Variants in NRAP observed in about 807,000 individuals in gnomAD.
The protein encoded by NRAP is nebulin related anchoring protein.
NRAP carries 189 observed loss-of-function variants against 225.9 expected under a neutral mutation model. The ratio of observed to expected loss-of-function variants is 0.84; its 90% CI spans 0.74 to 0.94. The LOEUF (loss-of-function observed/expected upper bound fraction) is 0.94, where lower values mean the gene tolerates loss of function less well. Ranked by LOEUF, NRAP falls within the 40% of genes least tolerant of loss-of-function variation. The probability of loss-of-function intolerance (pLI) is 0.00; values close to 1 mark genes in which losing one functional copy is unlikely to be tolerated. For missense variants in NRAP, 2,176 were observed against 2,168.7 expected (o/e 1.00, Z -0.07); for synonymous variants, 769 against 790.7 (o/e 0.97, Z 0.46).
intron 14 of NRAP, among the ~76,000 whole-genome samples, chr10:113,637,880 C>G (rs1344341618): frequency 1.3e-5 from 2 of 151,062 alleles, no homozygotes; most frequent in African/African-American, 4.9e-5. Context: ...CGAGATCGCA[C>G]CATTACACTC....
At chr10:113,610,147 C>T (rs1377903471) in intron 31 of NRAP, among the ~76,000 whole-genome samples, 1 of 151,886 alleles carries the variant, frequency 6.6e-6, no homozygotes, top group Non-Finnish European at 1.5e-5. Context: ...GTCAGGAGTT[C>T]GAGACCAGCC....
Position 113,622,101 on chromosome 10 carries a change from C to G in NRAP, c.2537G>C (p.Ser846Thr), listed in dbSNP as rs749203237. The change falls in exon 24 of 42, where the codon AGC (serine) becomes ACC (threonine). Residue 846 changes from serine to threonine, a missense_variant. Physicochemically the swap from Ser to Thr is moderately conservative, Grantham distance 58. Transcript: ENST00000359988. ...AKDVQGDSQM[S>T]HSLQMSKLQS... is the part of the protein sequence containing the mutation. ...CAGCTTGGACATTTGCAGTGAGTGG[C>G]TCATTTGCGAATCTCCCTGTACATC... The G allele has an allele frequency of 1.2e-6, 2 of 1,613,998 alleles. No homozygotes were observed. The highest frequency in any genetic ancestry group is 1.7e-6 in the Non-Finnish European group (2 of 1,179,956).
At position 113,614,863 on chromosome 10, in the gene NRAP, C is replaced by T. The variant is rs759324600; in HGVS notation, c.3162G>A (p.Lys1054=). The T allele has an allele frequency of 4.3e-6, 7 of 1,609,276 alleles. No individual in the cohort carries two copies. In the African/African-American group the frequency reaches 8.0e-5, roughly 18 times the overall value. The part of the protein sequence containing the change: ...RLDALPFQAA[K]ASGEIISDYK... ...CATCACTTATGATTTCACCAGAAGC[C>T]TTTGCTGCTTGGAATGGAAGGGCAT... is the stretch of plus-strand genomic sequence containing the variant. The change falls in exon 28 of 42, where the codon AAG becomes AAA. Residue 1054 remains lysine (K), a synonymous_variant. Coordinates refer to ENST00000359988, the MANE Select transcript of NRAP (RefSeq NM_198060.4).
Position 113,615,765 on chromosome 10 carries a change from C to T in NRAP, c.3025G>A (p.Ala1009Thr), listed in dbSNP as rs771293278. The T allele has an allele frequency of 3.1e-6, 5 of 1,612,326 alleles. No individual in the cohort carries two copies. The Admixed American group carries it at 8.3e-5, about 27-fold the overall frequency. ...ENIKHHYTPT[A>T]DLPEVLLAKL... ...GCCAGCAGGACTTCAGGGAGGTCAG[C>T]AGTCGGTGTGTAATGATGCTTTATG... The change falls in exon 27 of 42, where the codon GCT (alanine) becomes ACT (threonine). Residue 1009 changes from alanine to threonine, a missense_variant. Ala to Thr is a moderately conservative substitution (Grantham distance 58). Around this residue, in one of 3 missense-constraint regions of NRAP, gnomAD observed 1,708 missense variants for 1,695.5 expected, o/e 1.01. Coordinates refer to ENST00000359988, the MANE Select transcript of NRAP (RefSeq NM_198060.4).
At chr10:113,614,383 G>T in intron 28 of NRAP, 87 bp from the exon 29 acceptor site, 1 of 970,410 alleles carries the variant, frequency 1.0e-6, no homozygotes, top group African/African-American at 1.6e-5. Context: ...AAAATGTTTT[G>T]TTCTTTTGAC....
At chr10:113,589,835 A>G (rs756504691) in intron 40 of NRAP, 38 bp from the exon 41 acceptor site, 37 of 1,607,678 alleles carry the variant, frequency 2.3e-5, no homozygotes, top group Non-Finnish European at 3.1e-5. Flanking sequence ...ATATGTCAGC[A>G]GGGTTTGGAG....
intron 10 of NRAP, among the ~76,000 whole-genome samples, chr10:113,646,559 C>A (rs1564751241): frequency 1.3e-5 from 2 of 152,222 alleles, no homozygotes; most frequent in Non-Finnish European, 2.9e-5. Flanking sequence ...AAAATCATTT[C>A]ATCACCGGGT....
chr10:113,624,239 G>A (rs960834918), intron 22 of NRAP, among the ~76,000 whole-genome samples: 3 of 152,196 alleles, frequency 2.0e-5, no homozygotes, highest in African/African-American at 7.2e-5. Context: ...TGGGAGCTAA[G>A]CAGGGAGAGC....
chr10:113,644,119 C>T (rs184213271), intron 11 of NRAP, among the ~76,000 whole-genome samples: 1 of 107,938 alleles, frequency 9.3e-6, no homozygotes, highest in East Asian at 3.3e-4. Flanking sequence ...TGCACTCCAG[C>T]CTGGCCAACA....
At chr10:113,605,344 G>A (rs1016017933) in intron 34 of NRAP, among the ~76,000 whole-genome samples, 1 of 152,188 alleles carries the variant, frequency 6.6e-6, no homozygotes, top group Non-Finnish European at 1.5e-5. Flanking sequence ...TATCAACAGA[G>A]TGGCTGAAAC....
rs1351124943 is a variant in NRAP at position 113,628,222 on chromosome 10, C to T, written c.2145+695G>A. ...ATTCTTTCTGAGACAGAGTATCGAT[C>T]TGTCGCCCAGGCTGGAGAGCAGTGG... On this transcript the variant is annotated intron_variant, in intron 20 of 41. Coordinates refer to ENST00000359988, the MANE Select transcript of NRAP (RefSeq NM_198060.4). Among the ~76,000 whole-genome samples, 3 of 152,158 alleles carry T rather than the reference C, an allele frequency of 2.0e-5. No individual in the cohort carries two copies. The South Asian group carries it at 6.2e-4, about 32-fold the overall frequency.
chr10:113,644,147 CAAAAA>C (rs60015356), intron 11 of NRAP, among the ~76,000 whole-genome samples: 2 of 47,984 alleles, frequency 4.2e-5, no homozygotes, highest in African/African-American at 1.5e-4. Flanking sequence ...AACTCCCTCT[CAAAAA>C]AAAAAAAAAA....
chr10:113,629,321 TA>T (rs1189641903), intron 19 of NRAP, among the ~76,000 whole-genome samples: 1 of 152,166 alleles, frequency 6.6e-6, no homozygotes, highest in Non-Finnish European at 1.5e-5. Flanking sequence ...AAGATTTATT[TA>T]CCATTTTAAA....
At chr10:113,617,428 T>C (rs751678214) in intron 26 of NRAP, 27 bp downstream of exon 26, 4 of 1,308,274 alleles carry the variant, frequency 3.1e-6, no homozygotes, top group African/African-American at 1.4e-5. Context: ...ACTCTTAGAG[T>C]CATAATGTAT....
chr10:113,644,461 T>C (rs999676436), intron 11 of NRAP, among the ~76,000 whole-genome samples: 1 of 152,206 alleles, frequency 6.6e-6, no homozygotes, highest in African/African-American at 2.4e-5. Context: ...CCCTTGTAGC[T>C]CCAAAGCAGC....
chr10:113,593,052 AT>A (rs572340505), intron 38 of NRAP, among the ~76,000 whole-genome samples: 12 of 151,300 alleles, frequency 7.9e-5, no homozygotes, highest in African/African-American at 2.4e-4. Flanking sequence ...TGTAGCTAAT[AT>A]TTTTTTTTCA....
chr10:113,624,427 G>A (rs1848172365), intron 22 of NRAP, among the ~76,000 whole-genome samples: 1 of 152,140 alleles, frequency 6.6e-6, no homozygotes, highest in Non-Finnish European at 1.5e-5. Context: ...TTACCAATGG[G>A]ACACCTGGAA....
chr10:113,641,372 G>A lies in NRAP; in HGVS notation c.1316C>T (p.Ala439Val). 1 of 1,610,642 alleles carries A rather than the reference G, an allele frequency of 6.2e-7. No homozygotes were observed. Among genetic ancestry groups the A allele is most frequent in the Non-Finnish European group, 8.5e-7 (1 of 1,177,116 alleles). Reference sequence around the variant, plus strand: ...TGGCATAAAAGGACTCACGTTGCTTGCCAGGCTGCCAACTTTCATAGCATG... The same window carrying A: ...TGGCATAAAAGGACTCACGTTGCTTACCAGGCTGCCAACTTTCATAGCATG... ...TLHAMKVGSL[A>V]SNVAYKADYK... Residue 439 changes from alanine (A) to valine (V), a missense_variant, in exon 13 of 42, where the codon GCA (alanine) becomes GTA (valine). By Grantham distance (64) the Ala-to-Val change is moderately conservative (BLOSUM62 0). Around this residue, in one of 3 missense-constraint regions of NRAP, gnomAD observed 1,708 missense variants for 1,695.5 expected, o/e 1.01. Transcript: ENST00000359988.
In NRAP at chr10:113,647,147, TG is replaced by T. The variant is rs1284745883; in HGVS notation, c.889-121del. ...GGTTCATCCACCTTGGGTATTTCAC[TG>T]ATGTCCATGTGGTAGTTTAAACATT... On this transcript the variant is annotated intron_variant, in intron 9 of 41. Coordinates refer to ENST00000359988, the MANE Select transcript of NRAP (RefSeq NM_198060.4). The T allele has an allele frequency of 1.0e-5, 7 of 702,086 alleles. No individual in the cohort carries two copies. In the African/African-American group the frequency reaches 1.2e-4, roughly 12 times the overall value. The allele number at this position is 702,086 out of a possible 1,614,324, so 43.5% of individuals were successfully genotyped here. A position where few individuals can be genotyped will look rare whatever the true frequency, so the allele number is the denominator to read the frequency against.
Sources: allele counts gnomAD v4.1 joint callset (sites outside exome capture counted in the v4.1 genomes callset), GRCh38; gene constraint gnomAD v4.1.1; regional missense constraint gnomAD v4.1.1; transcripts MANE v1.5; gene names NCBI Gene and HGNC (gene_info 2026-07-23, HGNC 2026-07-21).